RYR3: variants seen among roughly 807,000 people sequenced by gnomAD.
RYR3 encodes the protein ryanodine receptor 3, also known as brain ryanodine receptor-calcium release channel.
In RYR3, 207 loss-of-function variants were observed where a neutral mutation model predicts 584.3. That is an observed-to-expected ratio of 0.35 (90% CI 0.32 to 0.40). RYR3 has a LOEUF of 0.40. Ranked by LOEUF, RYR3 falls within the 10% of genes least tolerant of loss-of-function variation. The pLI is 1.00. For missense variants in RYR3, 5,616 were observed against 6,089.2 expected, an observed-to-expected ratio of 0.92 and a Z score of 2.59; for synonymous variants, 2,416 against 2,248.5, an observed-to-expected ratio of 1.07 and a Z score of -2.11.
intron 32 of RYR3, among the ~76,000 whole-genome samples, chr15:33,655,095 C>G (rs960702000): frequency 2.6e-5 from 4 of 152,242 alleles, no homozygotes; most frequent in Non-Finnish European, 5.9e-5. Context: ...CCTCCTCTTC[C>G]TGGGAGAAAG....
Position 33,756,348 on chromosome 15 carries a change from A to C in RYR3, c.8558A>C (p.Asp2853Ala), listed in dbSNP as rs2071823432. The part of the protein sequence containing the change: ...SSGKTEKSPR[D>A]QEIKFFAKVL... ...GGGAAAACTGAAAAGTCTCCCCGTG[A>C]CCAGGAGATCAAATTCTTTGCCAAA... is the stretch of plus-strand genomic sequence containing the variant. Residue 2853 changes from aspartate to alanine, a missense_variant, in exon 59 of 104, where the codon GAC becomes GCC. Physicochemically the swap from Asp to Ala is moderately radical, Grantham distance 126. Around this residue, in one of 9 missense-constraint regions of RYR3, gnomAD observed 1,280 missense variants for 1,426.2 expected, o/e 0.90. Transcript: ENST00000634891. 6.3e-7 allele frequency: 1 copy of C among 1,579,166 alleles called. No homozygotes were observed. The highest frequency in any genetic ancestry group is 1.2e-5 in the South Asian group (1 of 85,784).
chr15:33,750,380 C>A (rs1230107077), intron 57 of RYR3, 94 bp downstream of exon 57: 7 of 1,236,374 alleles, frequency 5.7e-6, no homozygotes, highest in Non-Finnish European at 7.8e-6. Context: ...GTAAGGAGAA[C>A]AATTGAGTCT....
At chr15:33,669,301 T>G in intron 36 of RYR3, 53 bp from the exon 37 acceptor site, 2 of 1,423,848 alleles carry the variant, frequency 1.4e-6, no homozygotes, top group Non-Finnish European at 2.0e-6. Context: ...GGATCTGAGT[T>G]CCCTTGGCCA....
At chr15:33,421,545 CCAAA>C (rs2044244017) in intron 1 of RYR3, among the ~76,000 whole-genome samples, 1 of 151,988 alleles carries the variant, frequency 6.6e-6, no homozygotes, top group South Asian at 2.1e-4. Flanking sequence ...TTTCTGGTTC[CCAAA>C]CAAAGGTAGA....
chr15:33,627,761 G>A (rs776990988), intron 20 of RYR3, among the ~76,000 whole-genome samples: 2 of 152,194 alleles, frequency 1.3e-5, no homozygotes, highest in Admixed American at 6.5e-5. Flanking sequence ...ACTGGTTGCA[G>A]TGTAGAGGAT....
chr15:33,487,227 G>T (rs2050518248), intron 2 of RYR3, among the ~76,000 whole-genome samples: 1 of 151,378 alleles, frequency 6.6e-6, no homozygotes, highest in Non-Finnish European at 1.5e-5. Context: ...TGAGGTGGAT[G>T]ATTGAGCATA....
intron 64 of RYR3, among the ~76,000 whole-genome samples, chr15:33,774,793 A>T (rs1013267759): frequency 1.6e-4 from 24 of 152,336 alleles, no homozygotes; most frequent in African/African-American, 5.5e-4. Context: ...GGAACTGGGC[A>T]GACAAAGTTT....
chr15:33,861,294 C>G, intron 102 of RYR3, 116 bp downstream of exon 102: 1 of 663,100 alleles, frequency 1.5e-6, no homozygotes, highest in Non-Finnish European at 2.6e-6. Context: ...TTCCAGGAGT[C>G]CCCATGAGCC....
At chr15:33,644,014 G>C (rs1215251135) in intron 27 of RYR3, among the ~76,000 whole-genome samples, 1 of 152,112 alleles carries the variant, frequency 6.6e-6, no homozygotes, top group Non-Finnish European at 1.5e-5. Context: ...TACTGGTTTT[G>C]CCTTTCCAGT....
intron 1 of RYR3, among the ~76,000 whole-genome samples, chr15:33,423,505 A>G (rs2044383195): frequency 6.6e-6 from 1 of 152,202 alleles, no homozygotes; most frequent in South Asian, 2.1e-4. Context: ...ATATACCTAG[A>G]AGTGGAGTTT....
At chr15:33,407,414 G>T (rs188524197) in intron 1 of RYR3, among the ~76,000 whole-genome samples, 42 of 152,332 alleles carry the variant, frequency 2.8e-4, no homozygotes, top group Middle Eastern at 3.4e-3. Flanking sequence ...GTGAACCATA[G>T]ATCTGTGGAC....
At chr15:33,765,883 A>T (rs1347981745) in intron 60 of RYR3, among the ~76,000 whole-genome samples, 2 of 152,190 alleles carry the variant, frequency 1.3e-5, no homozygotes, top group South Asian at 4.1e-4. Flanking sequence ...AATTCTGAGA[A>T]CTGCCTGTGT....
chr15:33,555,250 C>A (rs1010047038), intron 10 of RYR3, among the ~76,000 whole-genome samples: 5 of 152,194 alleles, frequency 3.3e-5, no homozygotes, highest in Non-Finnish European at 7.3e-5. Context: ...CATGGTGCAC[C>A]TGTCTCTGAA....
intron 44 of RYR3, among the ~76,000 whole-genome samples, 177 bp downstream of exon 44, chr15:33,723,072 T>C (rs1320444302): frequency 6.6e-6 from 1 of 152,242 alleles, no homozygotes; most frequent in Non-Finnish European, 1.5e-5. Context: ...AGGCTAGTGA[T>C]CAGCATCACC....
At chr15:33,753,289 T>A (rs186151863) in intron 57 of RYR3, among the ~76,000 whole-genome samples, 1 of 152,358 alleles carries the variant, frequency 6.6e-6, no homozygotes, top group Admixed American at 6.5e-5. Flanking sequence ...ATAACTGACA[T>A]AAGCAGTCTT....
intron 5 of RYR3, among the ~76,000 whole-genome samples, chr15:33,538,249 A>G (rs1332599285): frequency 6.6e-6 from 1 of 152,146 alleles, no homozygotes; most frequent in African/African-American, 2.4e-5. Flanking sequence ...AGGCAGTAAA[A>G]GCTGACTAGA....
At chr15:33,490,758 AAG>A (rs1555498732) in intron 2 of RYR3, among the ~76,000 whole-genome samples, 1 of 151,692 alleles carries the variant, frequency 6.6e-6, no homozygotes, top group Admixed American at 6.6e-5. Context: ...AAAAAAAAAA[AAG>A]AGTCAAGAAA....
intron 1 of RYR3, among the ~76,000 whole-genome samples, chr15:33,424,884 AG>A (rs2044493626): frequency 6.6e-6 from 1 of 152,232 alleles, no homozygotes; most frequent in Non-Finnish European, 1.5e-5. Context: ...AGGCTAAGGC[AG>A]GAAAATCACT....
Position 33,826,668 on chromosome 15 carries a change from CA to C in RYR3, c.11165-2del. On this transcript the variant is annotated splice_polypyrimidine_tract_variant and splice_region_variant and intron_variant, in intron 83 of 103. Coordinates refer to ENST00000634891, the MANE Select transcript of RYR3 (RefSeq NM_001036.6). ...AATGCTCATCAACGTTCTGTGTTTT[CA>C]AGGTGAAAAAGTACTCCAGAATGAC... 1 of 1,613,020 alleles carries C rather than the reference CA, an allele frequency of 6.2e-7. No homozygotes were observed. The highest frequency in any genetic ancestry group is 8.5e-7 in the Non-Finnish European group (1 of 1,179,022).
Sources: allele counts gnomAD v4.1 joint callset (sites outside exome capture counted in the v4.1 genomes callset), GRCh38; gene constraint gnomAD v4.1.1; regional missense constraint gnomAD v4.1.1; transcripts MANE v1.5; gene names NCBI Gene and HGNC (gene_info 2026-07-23, HGNC 2026-07-21).